The following CZIB variants were observed in gnomAD, a reference collection of about 807,000 sequenced individuals.
CZIB encodes UPF0587 protein C1orf123.
CZIB carries 26 observed loss-of-function variants against 28.3 expected under a neutral mutation model. That is an observed-to-expected ratio of 0.92 (90% CI 0.67 to 1.27). The LOEUF (loss-of-function observed/expected upper bound fraction) is 1.27, where lower values mean the gene tolerates loss of function less well. Ranked by LOEUF, CZIB falls within the 50% of genes most tolerant of loss-of-function variation. The pLI is 0.00. For synonymous variants in CZIB, 78 were observed against 71.1 expected, an observed-to-expected ratio of 1.10 and a Z score of -0.49; for missense variants, 179 against 197.3, an observed-to-expected ratio of 0.91 and a Z score of 0.56.
rs1048595305 is a variant in CZIB at position 53,214,384 on chromosome 1, C to T, written c.*275G>A. 1 of 393,770 alleles carries T rather than the reference C, an allele frequency of 2.5e-6. No homozygotes were observed. Among genetic ancestry groups the T allele is most frequent in the Admixed American group, 3.8e-5 (1 of 26,136 alleles). 24.4% of individuals were successfully genotyped at this position (393,770 alleles called of 1,614,324 possible). A position where few individuals can be genotyped will look rare whatever the true frequency, so the allele number is the denominator to read the frequency against. ...GAGATACCATCTCCTTAAAAATACTCTTCATTTTCCTAAGGAGTGAACTGC... is the reference window on the plus strand; with the variant it reads ...GAGATACCATCTCCTTAAAAATACTTTTCATTTTCCTAAGGAGTGAACTGC... On this transcript the variant is annotated 3_prime_UTR_variant, in exon 8 of 8. Transcript: ENST00000294360.
chr1:53,219,638 G>C (rs1645505230), intron 2 of CZIB: 1 of 152,564 alleles, frequency 6.6e-6, no homozygotes, highest in South Asian at 2.1e-4. Flanking sequence ...TCAAGCCAAA[G>C]AACAGATTCT....
chr1:53,220,071 T>C (rs1317307551), intron 2 of CZIB, 190 bp downstream of exon 2: 1 of 574,988 alleles, frequency 1.7e-6, no homozygotes, highest in Non-Finnish European at 3.0e-6. Flanking sequence ...AAAATGAAGC[T>C]TTCCAAGACT....
chr1:53,218,125 G>GT, intron 5 of CZIB, 47 bp downstream of exon 5: 7 of 1,599,006 alleles, frequency 4.4e-6, no homozygotes, highest in Non-Finnish European at 6.0e-6. Context: ...ACTAACTCCA[G>GT]TTAGGATTTA....
intron 3 of CZIB, 77 bp downstream of exon 3, chr1:53,218,790 G>T: frequency 6.9e-7 from 1 of 1,446,158 alleles, no homozygotes; most frequent in Non-Finnish European, 9.7e-7. Flanking sequence ...ATGAAGGCCA[G>T]TTTCCCCAAA....
intron 6 of CZIB, among the ~76,000 whole-genome samples, 182 bp downstream of exon 6, chr1:53,216,600 G>A (rs1439429857): frequency 6.6e-6 from 1 of 152,154 alleles, no homozygotes; most frequent in East Asian, 1.9e-4. Flanking sequence ...ATTAAATGTG[G>A]TAACATGTAA....
At chr1:53,216,979 G>A in intron 5 of CZIB, 120 bp from the exon 6 acceptor site, 1 of 828,444 alleles carries the variant, frequency 1.2e-6, no homozygotes, top group Non-Finnish European at 2.0e-6. Context: ...TGAGACCCAG[G>A]AAGAACTCAT....
chr1:53,218,988 AGAACAGTGGGAGGT>A lies in CZIB; in HGVS notation c.91-79_91-66del. On this transcript the variant is annotated intron_variant, in intron 2 of 7. Transcript: ENST00000294360. ...CTGCACAGACACCAAGGAAAGGGTA[AGAACAGTGGGAGGT>A]GGGCAGGCTCATGATCTACCTTCTT... The A allele has an allele frequency of 4.9e-6, 7 of 1,414,818 alleles. No individual in the cohort carries two copies. In the South Asian group the frequency reaches 8.0e-5, roughly 16 times the overall value. 87.6% of individuals were successfully genotyped at this position (1,414,818 alleles called of 1,614,324 possible). A position where few individuals can be genotyped will look rare whatever the true frequency, so the allele number is the denominator to read the frequency against.
At chr1:53,216,103 T>A in intron 6 of CZIB, 47 bp from the exon 7 acceptor site, 1 of 1,599,606 alleles carries the variant, frequency 6.3e-7, no homozygotes, top group Non-Finnish European at 8.6e-7. Flanking sequence ...AAAGAAGGCA[T>A]TGGGCTATAA....
chr1:53,214,913 CTG>C (rs1291737136), intron 7 of CZIB, among the ~76,000 whole-genome samples, 177 bp from the exon 8 acceptor site: 1 of 152,188 alleles, frequency 6.6e-6, no homozygotes. Context: ...AGTTGTATGA[CTG>C]TGGGCAAATC....
intron 5 of CZIB, 83 bp downstream of exon 5, chr1:53,218,089 C>G: frequency 7.0e-7 from 1 of 1,418,752 alleles, no homozygotes; most frequent in East Asian, 2.3e-5. Flanking sequence ...CACTCTGATG[C>G]AGGCATGACT....
intron 7 of CZIB, 146 bp from the exon 8 acceptor site, chr1:53,214,882 G>A (rs901440143): frequency 3.4e-6 from 2 of 587,162 alleles, no homozygotes. Context: ...AGATAGCTCA[G>A]GCCTGAATTC....
intron 3 of CZIB, 122 bp from the exon 4 acceptor site, chr1:53,218,617 G>A: frequency 9.7e-7 from 1 of 1,032,358 alleles, no homozygotes; most frequent in Admixed American, 2.3e-5. Flanking sequence ...TAACTTACTA[G>A]GACAAGACTC....
At chr1:53,219,347 T>C in intron 2 of CZIB, 1 of 208,780 alleles carries the variant, frequency 4.8e-6, no homozygotes, top group Non-Finnish European at 9.8e-6. Context: ...GGATATTAAA[T>C]GCTCCCAACA....
chr1:53,218,620 C>A, intron 3 of CZIB, 125 bp from the exon 4 acceptor site: 1 of 1,023,608 alleles, frequency 9.8e-7, no homozygotes, highest in Non-Finnish European at 1.5e-6. Context: ...CTTACTAGGA[C>A]AAGACTCCTG....
At chr1:53,216,368 A>T (rs1645473140) in intron 6 of CZIB, among the ~76,000 whole-genome samples, 1 of 152,196 alleles carries the variant, frequency 6.6e-6, no homozygotes, top group South Asian at 2.1e-4. Context: ...GTTATTGATA[A>T]AACGGGGATG....
Position 53,220,247 on chromosome 1 carries a change from C to T in CZIB, c.90+14G>A, listed in dbSNP as rs767896781. 8.1e-6 allele frequency: 13 copies of T among 1,611,138 alleles called. No homozygotes were observed. The highest frequency in any genetic ancestry group is 1.1e-5 in the Non-Finnish European group (13 of 1,178,826). The stretch of plus-strand genomic sequence containing the variant: ...GGACGGGCCTCCTCTCCCCGGGCCC[C>T]GCCCCGGCCGCACCTTCAGGTACCA... On this transcript the variant is annotated intron_variant, in intron 2 of 7. Transcript: ENST00000294360.
At chr1:53,216,084 G>A (rs370689910) in intron 6 of CZIB, 28 bp from the exon 7 acceptor site, 7 of 1,612,888 alleles carry the variant, frequency 4.3e-6, no homozygotes, top group Non-Finnish European at 5.9e-6. Context: ...GTACCAGTTA[G>A]TCTTGGCAAA....
intron 6 of CZIB, 109 bp from the exon 7 acceptor site, chr1:53,216,165 A>T (rs1645471793): frequency 2.0e-6 from 2 of 1,001,182 alleles, no homozygotes; most frequent in Non-Finnish European, 3.1e-6. Flanking sequence ...GATGGAGGAC[A>T]GAGATGCAGT....
chr1:53,216,640 G>T, intron 6 of CZIB, 142 bp downstream of exon 6: 1 of 724,750 alleles, frequency 1.4e-6, no homozygotes, highest in Non-Finnish European at 2.4e-6. Context: ...CAAGCATACA[G>T]CAGCCACTTA....
Sources: allele counts gnomAD v4.1 joint callset (sites outside exome capture counted in the v4.1 genomes callset), GRCh38; gene constraint gnomAD v4.1.1; transcripts MANE v1.5; gene names NCBI Gene and HGNC (gene_info 2026-07-23, HGNC 2026-07-21).